The following TRAPPC9 variants were observed in gnomAD, a reference collection of about 807,000 sequenced individuals.
The protein encoded by TRAPPC9 is trafficking protein particle complex subunit 9.
In TRAPPC9, 83 loss-of-function variants were observed where a neutral mutation model predicts 124.0. That is an observed-to-expected ratio of 0.67 (90% confidence interval 0.56 to 0.80). The LOEUF (loss-of-function observed/expected upper bound fraction) is 0.80. Among genes scored for constraint, TRAPPC9 ranks in the 30% least tolerant of loss-of-function variants. The pLI is 0.00. For missense variants in TRAPPC9, 1,302 were observed against 1,508.3 expected, an observed-to-expected ratio of 0.86 and a Z score of 2.27; for synonymous variants, 638 against 617.5, an observed-to-expected ratio of 1.03 and a Z score of -0.49.
At chr8:140,306,087 T>A (rs1188725261) in intron 10 of TRAPPC9, among the ~76,000 whole-genome samples, 1 of 152,192 alleles carries the variant, frequency 6.6e-6, no homozygotes, top group South Asian at 2.1e-4. Flanking sequence ...CACATCATCA[T>A]GACAGTCTTA....
intron 17 of TRAPPC9, among the ~76,000 whole-genome samples, chr8:140,144,693 G>A (rs1471978178): frequency 6.6e-6 from 1 of 152,188 alleles, no homozygotes; most frequent in Non-Finnish European, 1.5e-5. Flanking sequence ...CACCATGTTG[G>A]TCAGGCTGGT....
chr8:140,061,352 C>A (rs1032333401), intron 17 of TRAPPC9, among the ~76,000 whole-genome samples: 1 of 152,132 alleles, frequency 6.6e-6, no homozygotes, highest in Non-Finnish European at 1.5e-5. Flanking sequence ...AATTTTGATT[C>A]TTCTAATCAA....
At chr8:140,292,366 G>A (rs1211420883) in intron 11 of TRAPPC9, among the ~76,000 whole-genome samples, 5 of 152,164 alleles carry the variant, frequency 3.3e-5, no homozygotes, top group Non-Finnish European at 5.9e-5. Flanking sequence ...CAAGCGAGAG[G>A]AGCTGCTGGA....
At chr8:140,409,854 G>A (rs1450610560) in intron 5 of TRAPPC9, among the ~76,000 whole-genome samples, 4 of 151,852 alleles carry the variant, frequency 2.6e-5, no homozygotes, top group African/African-American at 4.8e-5. Context: ...AATAGGAGAG[G>A]CGCTGGGCGC....
At chr8:139,950,236 T>A (rs1834548955) in intron 19 of TRAPPC9, among the ~76,000 whole-genome samples, 1 of 152,270 alleles carries the variant, frequency 6.6e-6, no homozygotes, top group Non-Finnish European at 1.5e-5. Context: ...ACTTTCATCC[T>A]CAATGAGTTC....
Position 139,730,866 on chromosome 8 carries a change from G to A in TRAPPC9, c.*195C>T. On this transcript the variant is annotated 3_prime_UTR_variant, in exon 23 of 23. Coordinates refer to ENST00000438773, the MANE Select transcript of TRAPPC9 (RefSeq NM_001160372.4). ...TGTAGGAAGGGGCGTGGCATGGGGT[G>A]GGGCTGCCATGTCCGGGGCTTCTGC... 1 of 626,500 alleles carries A rather than the reference G, an allele frequency of 1.6e-6. No homozygotes were observed. Among genetic ancestry groups the A allele is most frequent in the South Asian group, 1.9e-5 (1 of 51,724 alleles). 38.8% of individuals were successfully genotyped at this position (626,500 alleles called of 1,614,324 possible).
chr8:140,053,026 A>T (rs1430881939), intron 17 of TRAPPC9, among the ~76,000 whole-genome samples: 1 of 152,192 alleles, frequency 6.6e-6, no homozygotes, highest in Non-Finnish European at 1.5e-5. Context: ...TGACACTACT[A>T]AGTAAAGGGG....
intron 13 of TRAPPC9, 72 bp downstream of exon 13, chr8:140,287,536 T>C (rs2065523363): frequency 1.9e-6 from 3 of 1,592,366 alleles, no homozygotes; most frequent in Non-Finnish European, 2.6e-6. Context: ...CGATCGGCTC[T>C]GGACCTCATG....
chr8:139,748,323 G>C (rs1388010389), intron 21 of TRAPPC9, among the ~76,000 whole-genome samples: 1 of 94,338 alleles, frequency 1.1e-5, no homozygotes, highest in East Asian at 3.4e-4. Flanking sequence ...TGGGAGGTGT[G>C]CAGGGATCAG....
intron 17 of TRAPPC9, among the ~76,000 whole-genome samples, chr8:140,041,250 C>T (rs1202483650): frequency 6.6e-6 from 1 of 152,188 alleles, no homozygotes; most frequent in African/African-American, 2.4e-5. Context: ...ATACCATCAA[C>T]ATACTGTACC....
At chr8:139,852,071 G>C (rs1226072639) in intron 21 of TRAPPC9, among the ~76,000 whole-genome samples, 2 of 152,184 alleles carry the variant, frequency 1.3e-5, no homozygotes, top group Non-Finnish European at 2.9e-5. Context: ...TTCCTGCGCT[G>C]TTCTCGTGAT....
chr8:140,413,126 CG>C (rs1428642715), intron 5 of TRAPPC9, among the ~76,000 whole-genome samples: 1 of 152,126 alleles, frequency 6.6e-6, no homozygotes, highest in Non-Finnish European at 1.5e-5. Flanking sequence ...CGGTGGCTCA[CG>C]TCTGTAATCC....
intron 9 of TRAPPC9, among the ~76,000 whole-genome samples, chr8:140,352,572 C>T (rs58421834): frequency 0.034 from 5,169 of 152,142 alleles, 197 homozygotes; most frequent in African/African-American, 0.093. Context: ...GAACATTAAA[C>T]GCGGGGGAAA....
rs2064143086 is a variant in TRAPPC9, at chr8:140,252,047, T to C, written c.2431+730A>G. On this transcript the variant is annotated intron_variant, in intron 16 of 22. Coordinates refer to ENST00000438773, the MANE Select transcript of TRAPPC9 (RefSeq NM_001160372.4). This position sits in a 1 kb window ranked among gnomAD's most constrained non-coding sequence, Gnocchi z 4.2. ...TGAAATCTTTTTTTTTTTTTTGAGA[T>C]GGAGTCTCACTGTGTTGCCCAGGCT... Among the ~76,000 whole-genome samples, 1 of 151,518 alleles carries C rather than the reference T, an allele frequency of 6.6e-6. No homozygotes were observed. The highest frequency in any genetic ancestry group is 1.5e-5 in the Non-Finnish European group (1 of 67,896).
intron 9 of TRAPPC9, among the ~76,000 whole-genome samples, chr8:140,346,322 C>T (rs939510421): frequency 5.3e-5 from 8 of 152,158 alleles, no homozygotes; most frequent in Non-Finnish European, 8.8e-5. Context: ...GCTGGGATTA[C>T]GCACAGTACC....
At chr8:140,131,486 G>A (rs1011500599) in intron 17 of TRAPPC9, among the ~76,000 whole-genome samples, 1 of 152,182 alleles carries the variant, frequency 6.6e-6, no homozygotes, top group Non-Finnish European at 1.5e-5. Flanking sequence ...AGATGAGCAC[G>A]AACCTCCAAC....
At chr8:139,789,482 A>T (rs1822504140) in intron 21 of TRAPPC9, among the ~76,000 whole-genome samples, 2 of 152,036 alleles carry the variant, frequency 1.3e-5, no homozygotes, top group South Asian at 4.1e-4. Flanking sequence ...CCCCCCCAGG[A>T]TATCTACATC....
intron 17 of TRAPPC9, among the ~76,000 whole-genome samples, chr8:140,073,915 C>T (rs529728201): frequency 4.6e-5 from 7 of 152,286 alleles, no homozygotes; most frequent in South Asian, 2.1e-4. Context: ...CCCTGATATA[C>T]GTCTGCCTTG....
intron 17 of TRAPPC9, among the ~76,000 whole-genome samples, chr8:140,171,607 C>T (rs945313781): frequency 2.6e-5 from 4 of 152,166 alleles, no homozygotes; most frequent in East Asian, 1.9e-4. Flanking sequence ...CGAGTCAAAG[C>T]GCACCAAGAG....
Sources: allele counts gnomAD v4.1 joint callset (sites outside exome capture counted in the v4.1 genomes callset), GRCh38; gene constraint gnomAD v4.1.1; non-coding constraint Gnocchi (gnomAD v3.1); transcripts MANE v1.5; gene names NCBI Gene and HGNC (gene_info 2026-07-23, HGNC 2026-07-21).